Variants in RAP1GAP2 observed in about 807,000 individuals in gnomAD.
RAP1GAP2 encodes RAP1 GTPase activating protein 2.
In RAP1GAP2, 27 loss-of-function variants were observed where a neutral mutation model predicts 95.0. The ratio of observed to expected loss-of-function variants is 0.28; its 90% CI spans 0.21 to 0.39. The LOEUF is 0.39. Ranked by LOEUF, RAP1GAP2 falls within the 10% of genes least tolerant of loss-of-function variation. The pLI, the probability that RAP1GAP2 is intolerant of heterozygous loss-of-function variation, is 1.00. For synonymous variants in RAP1GAP2, 373 were observed against 380.9 expected (o/e 0.98, Z 0.24); for missense variants, 771 against 970.0 (o/e 0.79, Z 2.72).
chr17:3,016,301 C>T (rs1184890232), intron 17 of RAP1GAP2, among the ~76,000 whole-genome samples: 1 of 152,248 alleles, frequency 6.6e-6, no homozygotes, highest in Non-Finnish European at 1.5e-5. Flanking sequence ...CTGCCACTGG[C>T]AAGAGGATAG....
intron 1 of RAP1GAP2, among the ~76,000 whole-genome samples, chr17:2,764,221 C>CA (rs2068236474): frequency 6.7e-6 from 1 of 148,858 alleles, no homozygotes. Context: ...CATTTGAGGT[C>CA]AGGAGTTTGA....
chr17:2,854,943 G>A (rs1199337959), intron 2 of RAP1GAP2, among the ~76,000 whole-genome samples: 1 of 152,286 alleles, frequency 6.6e-6, no homozygotes, highest in South Asian at 2.1e-4. Context: ...ATTTGGGGTA[G>A]CTTCCAGTGA....
intron 14 of RAP1GAP2, among the ~76,000 whole-genome samples, chr17:2,998,975 G>C (rs2046061165): frequency 6.6e-6 from 1 of 152,156 alleles, no homozygotes; most frequent in South Asian, 2.1e-4. Flanking sequence ...GAGAGGAGGG[G>C]CCTGGTAGAC....
At chr17:3,030,177 TAC>T (rs61671474) in intron 22 of RAP1GAP2, among the ~76,000 whole-genome samples, 61 of 145,182 alleles carry the variant, frequency 4.2e-4, no homozygotes, top group Non-Finnish European at 6.9e-4. Flanking sequence ...ATATATATTA[TAC>T]ACACACACAC....
chr17:3,016,330 G>A (rs886130688), intron 17 of RAP1GAP2, among the ~76,000 whole-genome samples: 12 of 152,360 alleles, frequency 7.9e-5, no homozygotes, highest in East Asian at 1.9e-4. Flanking sequence ...ACTGCCTTAG[G>A]CAGATCATGA....
At chr17:2,895,023 G>A (rs12450785) in intron 2 of RAP1GAP2, among the ~76,000 whole-genome samples, 51,511 of 151,984 alleles carry the variant, frequency 0.34, 9,947 homozygotes, top group Admixed American at 0.55. Flanking sequence ...TTTTCCCAGC[G>A]TCCGCACAGC....
intron 8 of RAP1GAP2, among the ~76,000 whole-genome samples, chr17:2,969,970 A>T (rs2044785749): frequency 6.6e-6 from 1 of 152,036 alleles, no homozygotes; most frequent in Non-Finnish European, 1.5e-5. Flanking sequence ...GATGTGAAAT[A>T]ATTTATTTAA....
chr17:2,880,037 GCATCAGA>G (rs2151665057), intron 2 of RAP1GAP2, among the ~76,000 whole-genome samples: 1 of 152,252 alleles, frequency 6.6e-6, no homozygotes, highest in East Asian at 1.9e-4. Flanking sequence ...GGAAGGACAG[GCATCAGA>G]CTGATCGTGA....
At chr17:2,937,147 A>T (rs75707121) in intron 3 of RAP1GAP2, among the ~76,000 whole-genome samples, 2 of 152,122 alleles carry the variant, frequency 1.3e-5, no homozygotes, top group African/African-American at 4.8e-5. Flanking sequence ...CTCCAAGTTA[A>T]GACCTAAAGG....
At chr17:2,922,975 C>T (rs948195591) in intron 3 of RAP1GAP2, among the ~76,000 whole-genome samples, 1 of 151,464 alleles carries the variant, frequency 6.6e-6, no homozygotes, top group African/African-American at 2.4e-5. Flanking sequence ...GCCTCCCAGG[C>T]TCCAGCGATT....
Position 3,008,171 on chromosome 17 carries a change from T to G in RAP1GAP2, c.1494+26T>G, listed in dbSNP as rs539780091. On this transcript the variant is annotated intron_variant, in intron 17 of 24. Coordinates refer to ENST00000254695, the MANE Select transcript of RAP1GAP2 (RefSeq NM_015085.5). This position sits in a 1 kb window ranked among gnomAD's most constrained non-coding sequence, Gnocchi z 4.2. ...GTATGAGCGTCAGAGTGACTGATGG[T>G]TGCTGTGGGGTTGGGATTGGGGAAG... 1.2e-6 allele frequency: 2 copies of G among 1,613,182 alleles called. No homozygotes were observed. The highest frequency in any genetic ancestry group is 4.5e-5 in the East Asian group (2 of 44,850).
intron 2 of RAP1GAP2, among the ~76,000 whole-genome samples, chr17:2,862,548 C>T (rs2072446476): frequency 6.8e-6 from 1 of 147,602 alleles, no homozygotes; most frequent in Non-Finnish European, 1.5e-5. Context: ...CCTCAACAAA[C>T]TCAGTTTCTT....
At chr17:2,946,831 T>C (rs1420589091) in intron 3 of RAP1GAP2, among the ~76,000 whole-genome samples, 1 of 152,202 alleles carries the variant, frequency 6.6e-6, no homozygotes, top group Admixed American at 6.5e-5. Flanking sequence ...CTCGGCTCAC[T>C]GCAACCTCCA....
chr17:2,874,332 G>A (rs988342426), intron 2 of RAP1GAP2, among the ~76,000 whole-genome samples: 2 of 152,134 alleles, frequency 1.3e-5, no homozygotes, highest in Non-Finnish European at 2.9e-5. Context: ...AGGGAGGAAT[G>A]GTTGGAATTT....
chr17:2,877,314 G>A (rs1175821564), intron 2 of RAP1GAP2, among the ~76,000 whole-genome samples: 10 of 152,308 alleles, frequency 6.6e-5, no homozygotes, highest in South Asian at 6.2e-4. Flanking sequence ...TCCATCATCA[G>A]CTGTCACCTG....
At position 2,956,189 on chromosome 17, in the gene RAP1GAP2, G is replaced by A. The variant is rs146229488; in HGVS notation, c.166-1570G>A. Reference sequence around the variant, plus strand: ...GCACCTGAGCAAGTTGGAAGAGGAGGTTTGGCATCTGGATGTTTGGCGGCT... The same window carrying A: ...GCACCTGAGCAAGTTGGAAGAGGAGATTTGGCATCTGGATGTTTGGCGGCT... On this transcript the variant is annotated intron_variant, in intron 3 of 24. Transcript: ENST00000254695. Among the ~76,000 whole-genome samples, 46 of 152,364 alleles carry A rather than the reference G, an allele frequency of 3.0e-4. 1 individual carries two copies. In the East Asian group the frequency reaches 8.5e-3, roughly 28 times the overall value.
intron 3 of RAP1GAP2, among the ~76,000 whole-genome samples, chr17:2,924,279 C>G (rs575213108): frequency 6.6e-6 from 1 of 152,054 alleles, no homozygotes; most frequent in Non-Finnish European, 1.5e-5. Context: ...CTGCACCTCC[C>G]GATGCCTGGA....
chr17:2,923,276 G>C (rs1238064216), intron 3 of RAP1GAP2, among the ~76,000 whole-genome samples: 1 of 151,412 alleles, frequency 6.6e-6, no homozygotes, highest in Non-Finnish European at 1.5e-5. Context: ...CTGACCTCGT[G>C]ATCTGCCCGC....
chr17:2,806,407 T>TTAC (rs1381057025), intron 2 of RAP1GAP2, among the ~76,000 whole-genome samples: 1 of 149,726 alleles, frequency 6.7e-6, no homozygotes, highest in East Asian at 1.9e-4. Context: ...ATTATTATTA[T>TTAC]TTTGAGAGGG....
Sources: gnomAD v4.1 joint callset for allele counts (sites outside exome capture counted in the v4.1 genomes callset) on GRCh38, gnomAD v4.1.1 for gene constraint, Gnocchi (gnomAD v3.1) non-coding constraint, MANE v1.5 for transcripts, NCBI Gene and HGNC (gene_info 2026-07-23, HGNC 2026-07-21) for gene names.